Variants in ZDHHC2 observed in about 807,000 individuals in gnomAD.
ZDHHC2 encodes the protein palmitoyltransferase ZDHHC2.
Under a neutral mutation model 55.6 loss-of-function variants are expected in ZDHHC2, and 51 were observed. The ratio of observed to expected loss-of-function variants is 0.92; its 90% CI spans 0.73 to 1.16. The LOEUF (loss-of-function observed/expected upper bound fraction) is 1.16, where lower values mean the gene tolerates loss of function less well. Among genes scored for constraint, ZDHHC2 ranks in the 50% most tolerant of loss-of-function variants. The pLI is 0.00. For synonymous variants in ZDHHC2, 199 were observed against 152.9 expected, an observed-to-expected ratio of 1.30 and a Z score of -2.22; for missense variants, 491 against 442.4, an observed-to-expected ratio of 1.11 and a Z score of -0.99.
chr8:17,191,913 T>G (rs900865426), intron 3 of ZDHHC2, among the ~76,000 whole-genome samples: 7 of 152,286 alleles, frequency 4.6e-5, no homozygotes, highest in Middle Eastern at 3.4e-3. Context: ...CTAATTTACA[T>G]TCTCACCAAC....
intron 1 of ZDHHC2, among the ~76,000 whole-genome samples, chr8:17,162,610 C>T (rs1804403333): frequency 6.6e-6 from 1 of 152,286 alleles, no homozygotes; most frequent in South Asian, 2.1e-4. Context: ...CCAGGCATTT[C>T]CCGCCACAGA....
rs1805914614 is a variant in ZDHHC2, at chr8:17,189,556, G to A, written c.252+3131G>A. 3.9e-5 allele frequency among the ~76,000 whole-genome samples: 6 copies of A among 152,230 alleles called. No individual in the cohort carries two copies. The South Asian group carries it at 1.2e-3, about 32-fold the overall frequency. On this transcript the variant is annotated intron_variant, in intron 3 of 12. Coordinates refer to ENST00000262096, the MANE Select transcript of ZDHHC2 (RefSeq NM_016353.5). ...GGAAGAAGTTATTCATACACATGCAGGTTTATTTTTATGGCCTTGGCAGGA... is the reference window on the plus strand; with the variant it reads ...GGAAGAAGTTATTCATACACATGCAAGTTTATTTTTATGGCCTTGGCAGGA...
chr8:17,180,749 G>A (rs1805391993), intron 1 of ZDHHC2, among the ~76,000 whole-genome samples: 1 of 152,208 alleles, frequency 6.6e-6, no homozygotes, highest in African/African-American at 2.4e-5. Flanking sequence ...GCAGAGGCAG[G>A]ATTGGACCTT....
chr8:17,164,812 C>T (rs1456463937), intron 1 of ZDHHC2, among the ~76,000 whole-genome samples: 2 of 152,130 alleles, frequency 1.3e-5, no homozygotes, highest in Non-Finnish European at 2.9e-5. Flanking sequence ...TTCTTATGTA[C>T]AGATAAAATT....
intron 1 of ZDHHC2, among the ~76,000 whole-genome samples, chr8:17,165,540 C>A (rs914334778): frequency 2.0e-5 from 3 of 152,198 alleles, no homozygotes; most frequent in African/African-American, 7.2e-5. Flanking sequence ...CATAAACTTG[C>A]CCTTTTACAA....
chr8:17,174,883 G>T (rs1043066870), intron 1 of ZDHHC2, among the ~76,000 whole-genome samples: 6 of 151,430 alleles, frequency 4.0e-5, no homozygotes, highest in African/African-American at 1.5e-4. Context: ...GCTAATTGTG[G>T]GGTTTTTTTT....
In ZDHHC2 at chr8:17,199,673, T is replaced by C. The variant is rs186434211; in HGVS notation, c.476+1260T>C. Among the ~76,000 whole-genome samples the C allele has an allele frequency of 1.7e-4, 24 of 139,374 alleles. 1 individual carries two copies. In the East Asian group the frequency reaches 2.9e-3, roughly 17 times the overall value. The allele number at this position is 139,374 out of a possible 152,430, so 91.4% of individuals were successfully genotyped here. On this transcript the variant is annotated intron_variant, in intron 6 of 12. Coordinates refer to ENST00000262096, the MANE Select transcript of ZDHHC2 (RefSeq NM_016353.5). ...TCCTCCCTCCTCCCTCCTCCCTCCT[T>C]CTTCTTCTTCTTTTCTTCTTTCTCC...
intron 1 of ZDHHC2, among the ~76,000 whole-genome samples, chr8:17,181,539 G>C (rs1805433118): frequency 6.6e-6 from 1 of 152,108 alleles, no homozygotes; most frequent in African/African-American, 2.4e-5. Flanking sequence ...AAGGAAATGA[G>C]ATAAAGAAGG....
At chr8:17,210,855 A>G (rs963204614) in intron 10 of ZDHHC2, among the ~76,000 whole-genome samples, 1 of 152,152 alleles carries the variant, frequency 6.6e-6, no homozygotes, top group African/African-American at 2.4e-5. Flanking sequence ...CCTTTCTGTG[A>G]TAACTGTTAG....
At chr8:17,157,881 C>G (rs1470054837) in intron 1 of ZDHHC2, among the ~76,000 whole-genome samples, 1 of 152,224 alleles carries the variant, frequency 6.6e-6, no homozygotes. Context: ...TGAGCCTTCA[C>G]AAGCTCAGCA....
chr8:17,216,896 G>C (rs1807676476), intron 11 of ZDHHC2, among the ~76,000 whole-genome samples: 1 of 151,966 alleles, frequency 6.6e-6, no homozygotes, highest in South Asian at 2.1e-4. Flanking sequence ...GAGCAGTGTG[G>C]GTCAATATAT....
At chr8:17,204,766 G>A (rs768950870) in intron 6 of ZDHHC2, among the ~76,000 whole-genome samples, 9 of 151,918 alleles carry the variant, frequency 5.9e-5, no homozygotes, top group Admixed American at 1.3e-4. Flanking sequence ...CACAACTCAC[G>A]TTTACCTGTC....
chr8:17,199,527 G>GTCTTCGTCTTCGTCTTCA (rs1563161206), intron 6 of ZDHHC2, among the ~76,000 whole-genome samples: 1 of 29,672 alleles, frequency 3.4e-5, no homozygotes, highest in African/African-American at 7.5e-5. Context: ...CTTCGTCTTC[G>GTCTTCGTCTTCGTCTTCA]TCTTCTGTCT....
rs561165207 is a variant in ZDHHC2 at position 17,222,230 on chromosome 8, G to C, written c.*2009G>C. 1 of 151,346 alleles carries C rather than the reference G, an allele frequency of 6.6e-6. No homozygotes were observed. The highest frequency in any genetic ancestry group is 1.5e-5 in the Non-Finnish European group (1 of 67,600). The allele number at this position is 151,346 out of a possible 1,614,324, so 9.4% of individuals were successfully genotyped here. On this transcript the variant is annotated 3_prime_UTR_variant, in exon 13 of 13. Transcript: ENST00000262096. ...TCATTGTTGTAATTGTTCCCTTTCT[G>C]TTTTCATATAGTGAATAACCTTTAA...
rs1807954660 is a variant in ZDHHC2, at chr8:17,222,204, T to G, written c.*1983T>G. The stretch of plus-strand genomic sequence containing the variant: ...TCAGATTTGAAAAAGTTAAAACAAT[T>G]TCATTGTTGTAATTGTTCCCTTTCT... On this transcript the variant is annotated 3_prime_UTR_variant, in exon 13 of 13. Coordinates refer to ENST00000262096, the MANE Select transcript of ZDHHC2 (RefSeq NM_016353.5). 6.6e-6 allele frequency: 1 copy of G among 151,708 alleles called. No individual in the cohort carries two copies. The highest frequency in any genetic ancestry group is 1.5e-5 in the Non-Finnish European group (1 of 67,754). The allele number at this position is 151,708 out of a possible 1,614,324, so 9.4% of individuals were successfully genotyped here. A position where few individuals can be genotyped will look rare whatever the true frequency, so the allele number is the denominator to read the frequency against.
intron 1 of ZDHHC2, among the ~76,000 whole-genome samples, 187 bp downstream of exon 1, chr8:17,157,040 C>T (rs1387664607): frequency 6.6e-6 from 1 of 152,074 alleles, no homozygotes; most frequent in African/African-American, 2.4e-5. Context: ...ACGCCCCTCG[C>T]CCTCCCCTCC....
At chr8:17,201,994 C>A (rs746782661) in intron 6 of ZDHHC2, among the ~76,000 whole-genome samples, 1 of 151,962 alleles carries the variant, frequency 6.6e-6, no homozygotes, top group Non-Finnish European at 1.5e-5. Context: ...AAACAGATTC[C>A]GTAGTATTTG....
At chr8:17,198,518 T>G in intron 6 of ZDHHC2, 105 bp downstream of exon 6, 5 of 1,082,688 alleles carry the variant, frequency 4.6e-6, no homozygotes, top group Non-Finnish European at 6.3e-6. Flanking sequence ...TTACTTGAGT[T>G]GACATAGCAG....
intron 12 of ZDHHC2, among the ~76,000 whole-genome samples, chr8:17,219,595 A>G (rs1365925333): frequency 6.6e-6 from 1 of 152,090 alleles, no homozygotes; most frequent in East Asian, 1.9e-4. Flanking sequence ...CGTCTCTACC[A>G]AAAATACAAA....
Sources: gnomAD v4.1 joint callset for allele counts (sites outside exome capture counted in the v4.1 genomes callset) on GRCh38, gnomAD v4.1.1 for gene constraint, MANE v1.5 for transcripts, NCBI Gene and HGNC (gene_info 2026-07-23, HGNC 2026-07-21) for gene names.